Variants in GPR179 observed in about 807,000 individuals in gnomAD.
The protein encoded by GPR179 is probable G protein-coupled receptor 179.
A neutral mutation model predicts 70.8 loss-of-function variants in GPR179; 52 were observed. The ratio of observed to expected loss-of-function variants is 0.73; its 90% CI spans 0.59 to 0.93. The LOEUF (loss-of-function observed/expected upper bound fraction) is 0.93. Ranked by LOEUF, GPR179 falls within the 40% of genes least tolerant of loss-of-function variation. The pLI is 0.00. For synonymous variants in GPR179, 1,123 were observed against 1,169.0 expected (o/e 0.96, Z 0.80); for missense variants, 2,734 against 2,966.8 (o/e 0.92, Z 1.82).
rs745638458 is a variant in GPR179, at chr17:38,335,712, G to A, written c.1297-12C>T. The A allele has an allele frequency of 6.4e-6, 10 of 1,574,400 alleles. No individual in the cohort carries two copies. The highest frequency in any genetic ancestry group is 2.2e-5 in the East Asian group (1 of 44,688). ...TATAGGATGAAGACCTGGTGGGAAG[G>A]GGCAAAAATCTCTGCTCTCTACTAT... On this transcript the variant is annotated splice_polypyrimidine_tract_variant and intron_variant, in intron 5 of 10. Coordinates refer to ENST00000616987, the MANE Select transcript of GPR179 (RefSeq NM_001004334.4).
chr17:38,335,195 C>G lies in GPR179; in HGVS notation c.1483G>C (p.Gly495Arg). ...LSSGRLLRHL[G>R]LLLLPVLGFL... ...CCCAGCACAGGTAGCAGGAGCAGCC[C>G]CAGGTGCCGCAGCAGCCGCCCGCTG... Residue 495 changes from glycine (G) to arginine (R), a missense_variant, in exon 7 of 11, where the codon GGG (glycine) becomes CGG (arginine). Coordinates refer to ENST00000616987, the MANE Select transcript of GPR179 (RefSeq NM_001004334.4). 1 of 1,563,652 alleles carries G rather than the reference C, an allele frequency of 6.4e-7. No individual in the cohort carries two copies. The highest frequency in any genetic ancestry group is 8.7e-7 in the Non-Finnish European group (1 of 1,154,448).
rs1046248769 is a variant in GPR179 at position 38,327,448 on chromosome 17, AG to A, written c.6120del (p.Ser2041LeufsTer71). 1.1e-5 allele frequency: 18 copies of A among 1,614,068 alleles called. No individual in the cohort carries two copies. The highest frequency in any genetic ancestry group is 1.5e-5 in the Non-Finnish European group (18 of 1,180,054). On this transcript the variant is annotated frameshift_variant, in exon 11 of 11. Coordinates refer to ENST00000616987, the MANE Select transcript of GPR179 (RefSeq NM_001004334.4). LOFTEE classifies it low-confidence loss of function (END_TRUNC). ...KGVSRQDGKGDSQEEKGRAPE... is the reference protein window; with the variant it reads ...KGVSRQDGKGXSQEEKGRAPE... ...GGGGCTCTGCCTTTCTCTTCTTGAGAGTCCCCTTTTCCATCCTGCCTTGACA... is the reference window on the plus strand; with the variant it reads ...GGGGCTCTGCCTTTCTCTTCTTGAGATCCCCTTTTCCATCCTGCCTTGACA...
chr17:38,330,467 A>G lies in GPR179; in HGVS notation c.3102T>C (p.Ser1034=). The G allele has an allele frequency of 1.3e-6, 2 of 1,564,534 alleles. No homozygotes were observed. The highest frequency in any genetic ancestry group is 1.7e-6 in the Non-Finnish European group (2 of 1,152,614). ...CAGCCCTGCTTTTCTCTACTGCAAC[A>G]GAGAGGGCCCTCCAGAGCCTGGCTC... ...PARARLWRAL[S]VAVEKSRAGE... Residue 1034 remains serine (S), a synonymous_variant, in exon 11 of 11, where the codon TCT becomes TCC. Coordinates refer to ENST00000616987, the MANE Select transcript of GPR179 (RefSeq NM_001004334.4).
rs747930627 is a variant in GPR179, at chr17:38,330,918, C to T, written c.2651G>A (p.Arg884Gln). 22 of 1,607,298 alleles carry T rather than the reference C, an allele frequency of 1.4e-5. No individual in the cohort carries two copies. The highest frequency in any genetic ancestry group is 6.7e-5 in the East Asian group (3 of 44,686). The change falls in exon 11 of 11, where the codon CGG becomes CAG. Residue 884 changes from arginine (R) to glutamine (Q), a missense_variant. By Grantham distance (43) the Arg-to-Gln change is conservative. Coordinates refer to ENST00000616987, the MANE Select transcript of GPR179 (RefSeq NM_001004334.4). ...KAKAAMASLV[R>Q]RPSARRLERP... ...CTCCAGCCTCCTGGCTGATGGCCTC[C>T]GCACCAGGCTGGCCATGGCTGCCTT...
chr17:38,332,019 C>G (rs1300091219), intron 10 of GPR179, among the ~76,000 whole-genome samples: 2 of 152,148 alleles, frequency 1.3e-5, no homozygotes, highest in Admixed American at 6.6e-5. Flanking sequence ...CTGGGTTTCT[C>G]CCCAGATCCA....
At position 38,328,164 on chromosome 17, in the gene GPR179, C is replaced by T. The variant is rs374833798; in HGVS notation, c.5405G>A (p.Cys1802Tyr). The change falls in exon 11 of 11, where the codon TGT (cysteine) becomes TAT (tyrosine). Residue 1802 changes from cysteine to tyrosine, a missense_variant. By Grantham distance (194) the Cys-to-Tyr change is radical. Coordinates refer to ENST00000616987, the MANE Select transcript of GPR179 (RefSeq NM_001004334.4). ...AGCAGCTTCCTGTGCTTCCCAGGGA[C>T]ACACTTCACCTGGCCTGCAGCCCAT... ...DHMGCRPGEV[C>Y]PWEAQEAATS... The T allele has an allele frequency of 2.5e-6, 4 of 1,613,106 alleles. No homozygotes were observed. The African/African-American group carries it at 4.0e-5, about 16-fold the overall frequency.
chr17:38,327,004 C>T lies in GPR179; in HGVS notation c.6565G>A (p.Gly2189Ser). 6.2e-7 allele frequency: 1 copy of T among 1,614,196 alleles called. No individual in the cohort carries two copies. Among genetic ancestry groups the T allele is most frequent in the Non-Finnish European group, 8.5e-7 (1 of 1,180,052 alleles). Residue 2189 changes from glycine to serine, a missense_variant, in exon 11 of 11, where the codon GGC becomes AGC. Gly to Ser is a moderately conservative substitution (Grantham distance 56). Coordinates refer to ENST00000616987, the MANE Select transcript of GPR179 (RefSeq NM_001004334.4). ...QEAVCPGEGT[G>S]SGGLLPQSGA... ...GACTGGGGCAAGAGCCCTCCTGAGCCTGTGCCTTCCCCAGGGCAGACTGCC... is the reference window on the plus strand; with the variant it reads ...GACTGGGGCAAGAGCCCTCCTGAGCTTGTGCCTTCCCCAGGGCAGACTGCC...
rs1393542764 is a variant in GPR179 at position 38,333,935 on chromosome 17, T to C, written c.1888A>G (p.Lys630Glu). The part of the protein sequence containing the change: ...TTTLALIFIP[K>E]FWKLGAPPRE... ...CAGGCAGGAGGGGAGGGCCTCACCT[T>C]AGGGATGAAGATCAGAGCCAGCGTG... Residue 630 changes from lysine to glutamate, a missense_variant and splice_region_variant, in exon 9 of 11, where the codon AAG (lysine) becomes GAG (glutamate). Coordinates refer to ENST00000616987, the MANE Select transcript of GPR179 (RefSeq NM_001004334.4). 6.2e-7 allele frequency: 1 copy of C among 1,610,856 alleles called. No individual in the cohort carries two copies. The highest frequency in any genetic ancestry group is 8.5e-7 in the Non-Finnish European group (1 of 1,177,650).
chr17:38,329,032 T>G lies in GPR179; in HGVS notation c.4537A>C (p.Ser1513Arg). The G allele has an allele frequency of 6.2e-7, 1 of 1,614,132 alleles. No individual in the cohort carries two copies. The highest frequency in any genetic ancestry group is 8.5e-7 in the Non-Finnish European group (1 of 1,180,034). The change falls in exon 11 of 11, where the codon AGC becomes CGC. Residue 1513 changes from serine to arginine, a missense_variant. Coordinates refer to ENST00000616987, the MANE Select transcript of GPR179 (RefSeq NM_001004334.4). The part of the protein sequence containing the change: ...QEKEKASRKG[S>R]FGEMGEQTVK... ...GTTTGTTCCCCCATCTCTCCAAAGCTTCCTTTTCTGGAGGCTTTTTCCTTT... is the reference window on the plus strand; with the variant it reads ...GTTTGTTCCCCCATCTCTCCAAAGCGTCCTTTTCTGGAGGCTTTTTCCTTT...
chr17:38,326,318 G>A lies in GPR179; in HGVS notation c.*147C>T, dbSNP rs541077762. On this transcript the variant is annotated 3_prime_UTR_variant, in exon 11 of 11. Coordinates refer to ENST00000616987, the MANE Select transcript of GPR179 (RefSeq NM_001004334.4). ...AAGCTGTACCCTTTTCATGCAGTTT[G>A]TCTTTGGGATGGGTTGACTTCTGGT... 15 of 619,832 alleles carry A rather than the reference G, an allele frequency of 2.4e-5. No homozygotes were observed. Among genetic ancestry groups the A allele is most frequent in the African/African-American group, 1.8e-4 (10 of 54,464 alleles). 38.4% of individuals were successfully genotyped at this position (619,832 alleles called of 1,614,324 possible).
At chr17:38,332,021 C>T (rs1400639345) in intron 10 of GPR179, among the ~76,000 whole-genome samples, 1 of 152,124 alleles carries the variant, frequency 6.6e-6, no homozygotes, top group Admixed American at 6.5e-5. Context: ...GGGTTTCTCC[C>T]CAGATCCAGC....
At chr17:38,336,817 C>T (rs530179943) in intron 4 of GPR179, among the ~76,000 whole-genome samples, 161 bp downstream of exon 4, 1 of 152,342 alleles carries the variant, frequency 6.6e-6, no homozygotes, top group South Asian at 2.1e-4. Flanking sequence ...GATGAGGAAG[C>T]AGGTCCAAGG....
Position 38,337,656 on chromosome 17 carries a change from A to AT in GPR179, c.967_968insA (p.Phe323TyrfsTer14). On this transcript the variant is annotated frameshift_variant, in exon 3 of 11. Coordinates refer to ENST00000616987, the MANE Select transcript of GPR179 (RefSeq NM_001004334.4). LOFTEE classifies it high-confidence loss of function. ...ACCCCCAGAGGGGCTTGCCCCGTAG[A>AT]ATCCAGGTCGGCAGCGGCAGAGGTA... The AT allele has an allele frequency of 6.2e-7, 1 of 1,606,592 alleles. No homozygotes were observed. Among genetic ancestry groups the AT allele is most frequent in the South Asian group, 1.1e-5 (1 of 89,950 alleles).
At position 38,328,276 on chromosome 17, in the gene GPR179, C is replaced by G; in HGVS notation, c.5293G>C (p.Gly1765Arg). The G allele has an allele frequency of 6.2e-7, 1 of 1,613,964 alleles. No individual in the cohort carries two copies. The highest frequency in any genetic ancestry group is 1.3e-5 in the African/African-American group (1 of 75,052). ...GAACAGGCCCCTGGACCCACACTCC[C>G]CCAGGGACAAGCCACCTCCCACTCT... is the stretch of plus-strand genomic sequence containing the variant. ...TPEWEVACPW[G>R]SVGPGACSQH... Residue 1765 changes from glycine to arginine, a missense_variant, in exon 11 of 11, where the codon GGG becomes CGG. Coordinates refer to ENST00000616987, the MANE Select transcript of GPR179 (RefSeq NM_001004334.4).
At chr17:38,342,660 CAT>C (rs751643843) in intron 1 of GPR179, among the ~76,000 whole-genome samples, 7 of 152,360 alleles carry the variant, frequency 4.6e-5, no homozygotes, top group South Asian at 4.1e-4. Context: ...TCTCTACACA[CAT>C]GTGTATACCT....
rs202208376 is a variant in GPR179 at position 38,327,757 on chromosome 17, C to T, written c.5812G>A (p.Asp1938Asn). The T allele has an allele frequency of 5.3e-5, 86 of 1,614,140 alleles. No individual in the cohort carries two copies. In the African/African-American group the frequency reaches 1.0e-3, roughly 20 times the overall value. Residue 1938 changes from aspartate (D) to asparagine (N), a missense_variant, in exon 11 of 11, where the codon GAC becomes AAC. Physicochemically the swap from Asp to Asn is conservative, Grantham distance 23. Coordinates refer to ENST00000616987, the MANE Select transcript of GPR179 (RefSeq NM_001004334.4). ...TCTTCAGTAGTGAATTCTTCTGTGT[C>T]TGCAGCTGGAGCTTTTTCTTGGGTT... ...HITQEKAPAA[D>N]TEEFTTEDGE...
rs2037339209 is a variant in GPR179, at chr17:38,330,185, T to G, written c.3384A>C (p.Arg1128=). The G allele has an allele frequency of 6.4e-7, 1 of 1,569,086 alleles. No homozygotes were observed. The highest frequency in any genetic ancestry group is 1.8e-5 in the Admixed American group (1 of 54,772). The change falls in exon 11 of 11, where the codon CGA becomes CGC. Residue 1128 remains arginine, a synonymous_variant. Transcript: ENST00000616987. ...TAGESMGAPS[R]SPRLGRPKAV... is the part of the protein sequence containing the mutation. ...CCTTGGGCCGGCCTAGCCTGGGCGA[T>G]CGGGAGGGTGCCCCCATACTCTCTC...
intron 2 of GPR179, 133 bp downstream of exon 2, chr17:38,339,284 T>C (rs2037430235): frequency 8.2e-6 from 5 of 610,430 alleles, no homozygotes; most frequent in Admixed American, 3.0e-5. Flanking sequence ...TGCCAATCAC[T>C]AGGAACTCCC....
rs1318669524 is a variant in GPR179, at chr17:38,324,761, A to G, written c.*1704T>C. ...ACTAGCCAGAGCCCAGAACAACAACACACTTCAATTACTGCTCCAAAAGCC... is the reference window on the plus strand; with the variant it reads ...ACTAGCCAGAGCCCAGAACAACAACGCACTTCAATTACTGCTCCAAAAGCC... On this transcript the variant is annotated 3_prime_UTR_variant, in exon 11 of 11. Coordinates refer to ENST00000616987, the MANE Select transcript of GPR179 (RefSeq NM_001004334.4). 6.6e-6 allele frequency among the ~76,000 whole-genome samples: 1 copy of G among 152,184 alleles called. No individual in the cohort carries two copies. The highest frequency in any genetic ancestry group is 1.5e-5 in the Non-Finnish European group (1 of 68,034).
Sources: gnomAD v4.1 joint callset for allele counts (sites outside exome capture counted in the v4.1 genomes callset) on GRCh38, gnomAD v4.1.1 for gene constraint, MANE v1.5 for transcripts, NCBI Gene and HGNC (gene_info 2026-07-23, HGNC 2026-07-21) for gene names.